The following CFAP161 variants were observed in gnomAD, a reference collection of about 807,000 sequenced individuals.
CFAP161 encodes cilia and flagella associated protein 161, also known as cilia- and flagella-associated protein 161.
CFAP161 carries 25 observed loss-of-function variants against 29.0 expected under a neutral mutation model. The observed-to-expected ratio is 0.86, with a 90% CI of 0.63 to 1.20. The LOEUF (loss-of-function observed/expected upper bound fraction) is 1.20. Among genes scored for constraint, CFAP161 ranks in the 50% most tolerant of loss-of-function variants. The pLI is 0.00. For missense variants in CFAP161, 367 were observed against 371.9 expected (o/e 0.99, Z 0.11); for synonymous variants, 116 against 137.4 (o/e 0.84, Z 1.09).
In CFAP161 at chr15:81,136,614, G is replaced by C; in HGVS notation, c.258G>C (p.Leu86=). The change falls in exon 3 of 7, where the codon CTG becomes CTC. Residue 86 remains leucine (L), a synonymous_variant. Transcript: ENST00000286732. ...CTGACACAGAAGCTGATGTGTTTCT[G>C]CGTGGGGACCTGAGCCTGTGTATGA... is the stretch of plus-strand genomic sequence containing the variant. ...DDPDTEADVF[L]RGDLSLCMTP... is the part of the protein sequence containing the mutation. The C allele has an allele frequency of 6.2e-7, 1 of 1,614,194 alleles. No individual in the cohort carries two copies. Among genetic ancestry groups the C allele is most frequent in the South Asian group, 1.1e-5 (1 of 91,090 alleles).
intron 1 of CFAP161, chr15:81,117,563 T>A (rs1242725356): frequency 3.9e-5 from 6 of 154,050 alleles, no homozygotes; most frequent in Non-Finnish European, 7.2e-5. Context: ...TTTTTTTTTT[T>A]AAACAGCTAC....
intron 1 of CFAP161, among the ~76,000 whole-genome samples, chr15:81,100,897 G>C (rs896503171): frequency 3.9e-5 from 6 of 152,102 alleles, no homozygotes; most frequent in Admixed American, 1.3e-4. Context: ...CTGCATGCTA[G>C]TAGCTCCTCT....
At chr15:81,138,278 T>C in intron 4 of CFAP161, 143 bp downstream of exon 4, 1 of 662,626 alleles carries the variant, frequency 1.5e-6, no homozygotes, top group East Asian at 2.8e-5. Flanking sequence ...GCTTGCAGCT[T>C]TTCACAGGCA....
intron 1 of CFAP161, chr15:81,127,471 C>G (rs1411093689): frequency 1.3e-5 from 2 of 152,034 alleles, no homozygotes; most frequent in Admixed American, 1.3e-4. Flanking sequence ...TCTGTGGAAA[C>G]CAAGAGTACT....
chr15:81,111,374 G>C (rs1894438245), intron 1 of CFAP161, among the ~76,000 whole-genome samples: 1 of 152,208 alleles, frequency 6.6e-6, no homozygotes, highest in African/African-American at 2.4e-5. Flanking sequence ...TATCACTTTT[G>C]ATTCTTTTCT....
At chr15:81,117,081 G>A (rs1160932120) in intron 1 of CFAP161, among the ~76,000 whole-genome samples, 1 of 152,140 alleles carries the variant, frequency 6.6e-6, no homozygotes, top group Non-Finnish European at 1.5e-5. Context: ...CTGCCAGGAA[G>A]TGACAATTTT....
chr15:81,109,484 T>G (rs182171226), intron 1 of CFAP161, among the ~76,000 whole-genome samples: 1 of 152,192 alleles, frequency 6.6e-6, no homozygotes, highest in African/African-American at 2.4e-5. Flanking sequence ...CTTTGCTTTT[T>G]TCGGTTAGAA....
intron 2 of CFAP161, 91 bp from the exon 3 acceptor site, chr15:81,136,425 G>A (rs1002413168): frequency 1.8e-6 from 2 of 1,083,216 alleles, no homozygotes; most frequent in East Asian, 2.5e-5. Flanking sequence ...TGAATGAAAT[G>A]GGTACTAGTC....
chr15:81,130,666 C>T (rs1365607816), upstream of CFAP161, among the ~76,000 whole-genome samples: 1 of 152,224 alleles, frequency 6.6e-6, no homozygotes, highest in Non-Finnish European at 1.5e-5. Flanking sequence ...TGCCACTGCA[C>T]TCCAGCCTGG....
chr15:81,140,631 T>C (rs1337758565), intron 4 of CFAP161, among the ~76,000 whole-genome samples: 3 of 152,104 alleles, frequency 2.0e-5, no homozygotes, highest in Admixed American at 6.6e-5. Context: ...CGAACATGGT[T>C]CACTGCAGCT....
At position 81,141,125 on chromosome 15, in the gene CFAP161, T is replaced by G. The variant is rs917764004; in HGVS notation, c.478-2537T>G. The stretch of plus-strand genomic sequence containing the variant: ...TATATTTTGATTGGCATTGTAAAAT[T>G]AAGTAAATTCACATATTTAGTAACT... On this transcript the variant is annotated intron_variant, in intron 4 of 6. Coordinates refer to ENST00000286732, the MANE Select transcript of CFAP161 (RefSeq NM_173528.4). 7.2e-5 allele frequency among the ~76,000 whole-genome samples: 11 copies of G among 152,366 alleles called. No individual in the cohort carries two copies. In the East Asian group the frequency reaches 2.1e-3, roughly 29 times the overall value.
At chr15:81,117,610 C>T (rs1894515566) in intron 1 of CFAP161, 2 of 202,302 alleles carry the variant, frequency 9.9e-6, no homozygotes, top group East Asian at 1.7e-4. Context: ...CTGAACAGTT[C>T]TGTTTCTGCA....
chr15:81,138,951 C>A (rs971835680), intron 4 of CFAP161, among the ~76,000 whole-genome samples: 1 of 152,058 alleles, frequency 6.6e-6, no homozygotes, highest in African/African-American at 2.4e-5. Context: ...ATTAAAAATC[C>A]ATTTACTATA....
chr15:81,133,810 A>G (rs1346518368), upstream of CFAP161, among the ~76,000 whole-genome samples: 1 of 152,126 alleles, frequency 6.6e-6, no homozygotes, highest in Non-Finnish European at 1.5e-5. Flanking sequence ...CCCTGAAATT[A>G]TTAATTTTCC....
intron 4 of CFAP161, among the ~76,000 whole-genome samples, chr15:81,139,801 T>C (rs867535794): frequency 6.6e-6 from 1 of 152,188 alleles, no homozygotes; most frequent in Non-Finnish European, 1.5e-5. Flanking sequence ...TGAACACATT[T>C]AAAAGTATTG....
chr15:81,133,797 A>C (rs141913419), upstream of CFAP161, among the ~76,000 whole-genome samples: 1,242 of 152,230 alleles, frequency 8.2e-3, 14 homozygotes, highest in Non-Finnish European at 0.01. Flanking sequence ...CTTACTTTTA[A>C]GGCCCTGAAA....
Position 81,108,846 on chromosome 15 carries a change from C to T in CFAP161, c.-141-18744C>T, listed in dbSNP as rs546357021. Reference sequence around the variant, plus strand: ...AGTCCAGCTGTAAAGAATTGAGGTTCCTGGGAATTTAACCATGTCAATGCT... The same window carrying T: ...AGTCCAGCTGTAAAGAATTGAGGTTTCTGGGAATTTAACCATGTCAATGCT... On this transcript the variant is annotated intron_variant, in intron 1 of 4. Coordinates refer to the CFAP161 transcript ENST00000560091. Among the ~76,000 whole-genome samples, 297 of 152,288 alleles carry T rather than the reference C, an allele frequency of 2.0e-3. 1 individual carries two copies. Among genetic ancestry groups the T allele is most frequent in the African/African-American group, 6.9e-3 (287 of 41,536 alleles).
Position 81,148,468 on chromosome 15 carries a change from C to G in CFAP161, c.841C>G (p.Leu281Val), listed in dbSNP as rs767534721. The change falls in exon 7 of 7, where the codon CTG becomes GTG. Residue 281 changes from leucine to valine, a missense_variant. Leu to Val is a conservative substitution (Grantham distance 32). Transcript: ENST00000286732. Reference protein sequence around the residue: ...PRDASSSMLDLPKPPTEDTRA... With the variant: ...PRDASSSMLDVPKPPTEDTRA... ...GGATGCCTCGTCCTCCATGTTGGAT[C>G]TGCCCAAACCACCCACAGAGGACAC... The G allele has an allele frequency of 1.2e-6, 2 of 1,614,216 alleles. No individual in the cohort carries two copies. The highest frequency in any genetic ancestry group is 3.3e-5 in the Admixed American group (2 of 60,028).
At chr15:81,118,254 G>A in intron 1 of CFAP161, 2 of 512,522 alleles carry the variant, frequency 3.9e-6, no homozygotes, top group Non-Finnish European at 7.3e-6. Flanking sequence ...TTATTAAACG[G>A]AGGAACTCTA....
Sources: gnomAD v4.1 joint callset for allele counts (sites outside exome capture counted in the v4.1 genomes callset) on GRCh38, gnomAD v4.1.1 for gene constraint, MANE v1.5 for transcripts, NCBI Gene and HGNC (gene_info 2026-07-23, HGNC 2026-07-21) for gene names.